Variants in PKM observed in about 807,000 individuals in gnomAD.
PKM encodes pyruvate kinase M1/2.
PKM carries 18 observed loss-of-function variants against 49.8 expected under a neutral mutation model. That is an observed-to-expected ratio of 0.36 (90% CI 0.25 to 0.54). The LOEUF (loss-of-function observed/expected upper bound fraction) is 0.54, where lower values mean the gene tolerates loss of function less well. Among genes scored for constraint, PKM ranks in the 20% least tolerant of loss-of-function variants. The pLI, the probability that PKM is intolerant of heterozygous loss-of-function variation, is 0.89. For synonymous variants in PKM, 239 were observed against 261.8 expected, an observed-to-expected ratio of 0.91 and a Z score of 0.84; for missense variants, 508 against 713.8, an observed-to-expected ratio of 0.71 and a Z score of 3.28.
chr15:72,230,445 C>T (rs1317067770), intron 1 of PKM, among the ~76,000 whole-genome samples: 2 of 152,072 alleles, frequency 1.3e-5, no homozygotes, highest in Admixed American at 1.3e-4. Flanking sequence ...GAGACCGGAG[C>T]AAGTGGGCGG....
intron 1 of PKM, chr15:72,222,357 C>T (rs1288661489): frequency 6.6e-6 from 1 of 152,268 alleles, no homozygotes; most frequent in African/African-American, 2.4e-5. Flanking sequence ...CCTGAAGCCT[C>T]CCTTGCAGGG....
intron 1 of PKM, among the ~76,000 whole-genome samples, chr15:72,227,610 G>A (rs1007930056): frequency 6.6e-6 from 1 of 151,800 alleles, no homozygotes; most frequent in Non-Finnish European, 1.5e-5. Flanking sequence ...GCTGGGCGTG[G>A]TGCAAGTGCC....
intron 4 of PKM, chr15:72,210,068 G>T: frequency 3.2e-6 from 2 of 628,378 alleles, no homozygotes; most frequent in Non-Finnish European, 2.8e-6. Flanking sequence ...ACTTAATGAT[G>T]GGGAAAAAGA....
intron 5 of PKM, among the ~76,000 whole-genome samples, chr15:72,209,165 G>C (rs1356822314): frequency 2.0e-5 from 3 of 151,982 alleles, no homozygotes; most frequent in African/African-American, 7.3e-5. Flanking sequence ...TCAGGAGTTT[G>C]AGACCAGCCT....
intron 3 of PKM, among the ~76,000 whole-genome samples, chr15:72,210,813 C>CT (rs1195254076): frequency 6.6e-6 from 1 of 152,092 alleles, no homozygotes; most frequent in East Asian, 1.9e-4. Context: ...CAGGGCTGTT[C>CT]TTTTTTCCCT....
At chr15:72,222,671 G>C (rs867523250) in intron 1 of PKM, 2 of 152,440 alleles carry the variant, frequency 1.3e-5, no homozygotes, top group Non-Finnish European at 1.5e-5. Context: ...CCAGCCAGCA[G>C]TGGAAGCCTG....
intron 1 of PKM, among the ~76,000 whole-genome samples, chr15:72,226,876 AC>A (rs1446064372): frequency 6.6e-6 from 1 of 152,198 alleles, no homozygotes; most frequent in Non-Finnish European, 1.5e-5. Flanking sequence ...GTTCCCTCCT[AC>A]GTGCAGACAA....
chr15:72,221,473 G>C (rs1356696853), intron 1 of PKM, among the ~76,000 whole-genome samples: 3 of 152,000 alleles, frequency 2.0e-5, no homozygotes, highest in African/African-American at 7.3e-5. Context: ...TTTTGGGAGC[G>C]GGGAAGGGAC....
chr15:72,206,786 A>T lies in PKM; in HGVS notation c.1082T>A (p.Leu361Gln), dbSNP rs1421331541. 1 of 1,614,174 alleles carries T rather than the reference A, an allele frequency of 6.2e-7. No homozygotes were observed. The highest frequency in any genetic ancestry group is 2.2e-5 in the East Asian group (1 of 44,882). ...AVLDGADCIM[L>Q]SGETAKGDYP... ...GTCCCCTTTGGCTGTTTCTCCAGAC[A>T]GCATGATGCAGTCGGCTCCATCCAG... The change falls in exon 8 of 11, where the codon CTG becomes CAG. Residue 361 changes from leucine (L) to glutamine (Q), a missense_variant. By Grantham distance (113) the Leu-to-Gln change is moderately radical. Transcript: ENST00000335181.
At chr15:72,201,830 G>GTGGA (rs2081952280) in intron 9 of PKM, 1 of 160,194 alleles carries the variant, frequency 6.2e-6, no homozygotes, top group African/African-American at 2.4e-5. Context: ...GGGACAAGGA[G>GTGGA]CATACTCCCT....
chr15:72,211,145 A>G (rs866870859), intron 3 of PKM, among the ~76,000 whole-genome samples: 5 of 150,998 alleles, frequency 3.3e-5, no homozygotes, highest in Admixed American at 6.6e-5. Context: ...GGCTCACTGC[A>G]AGCTCCACCT....
intron 1 of PKM, chr15:72,229,811 GAC>G (rs959828906): frequency 3.3e-6 from 2 of 599,572 alleles, no homozygotes; most frequent in Non-Finnish European, 4.4e-6. Context: ...CAGTGAACGC[GAC>G]AGATTTCCTG....
At chr15:72,222,432 A>T (rs2082550848) in intron 1 of PKM, 1 of 152,464 alleles carries the variant, frequency 6.6e-6, no homozygotes, top group Admixed American at 6.5e-5. Context: ...CAAACTGCCC[A>T]TCCCACCAAC....
intron 1 of PKM, among the ~76,000 whole-genome samples, chr15:72,220,603 C>T (rs935649800): frequency 1.1e-4 from 16 of 152,284 alleles, no homozygotes; most frequent in African/African-American, 3.6e-4. Flanking sequence ...CTCTTCATTT[C>T]GATGTGTATT....
At position 72,200,509 on chromosome 15, in the gene PKM, T is replaced by A; in HGVS notation, c.1454A>T (p.Asp485Val). 1 of 1,613,768 alleles carries A rather than the reference T, an allele frequency of 6.2e-7. No homozygotes were observed. The highest frequency in any genetic ancestry group is 8.5e-7 in the Non-Finnish European group (1 of 1,179,864). Reference sequence around the variant, plus strand: ...GGCAAAGTTCACCCGGAGGTCCACGTCCTCAGCCCAGGCCTCCTGGACTGG... The same window carrying A: ...GGCAAAGTTCACCCGGAGGTCCACGACCTCAGCCCAGGCCTCCTGGACTGG... The part of the protein sequence containing the change: ...KDPVQEAWAE[D>V]VDLRVNFAMN... The change falls in exon 10 of 11, where the codon GAC becomes GTC. Residue 485 changes from aspartate (D) to valine (V), a missense_variant. Transcript: ENST00000335181. The surrounding 1 kb of genome is among the most constrained non-coding windows in gnomAD (Gnocchi z 4.6).
chr15:72,220,143 G>A (rs1329216620), intron 1 of PKM, among the ~76,000 whole-genome samples: 3 of 152,186 alleles, frequency 2.0e-5, no homozygotes, highest in Non-Finnish European at 1.5e-5. Flanking sequence ...GAACTATCAG[G>A]TAAGGATGTG....
intron 8 of PKM, chr15:72,203,081 G>A (rs372311452): frequency 7.5e-5 from 121 of 1,614,050 alleles, no homozygotes; most frequent in Non-Finnish European, 8.4e-5. Flanking sequence ...AAGCCTCCAC[G>A]CTGCCCATGG....
At chr15:72,230,275 G>C (rs940009219) in intron 1 of PKM, among the ~76,000 whole-genome samples, 6 of 152,150 alleles carry the variant, frequency 3.9e-5, no homozygotes, top group Non-Finnish European at 5.9e-5. Flanking sequence ...CCAACGTTAC[G>C]TAAGTCTCCA....
chr15:72,230,264 G>GCCAACGTTAGGC (rs2082816520), intron 1 of PKM, among the ~76,000 whole-genome samples: 1 of 152,164 alleles, frequency 6.6e-6, no homozygotes, highest in African/African-American at 2.4e-5. Flanking sequence ...AGCGGGGCAG[G>GCCAACGTTAGGC]CCAACGTTAC....
Sources: gnomAD v4.1 joint callset for allele counts (sites outside exome capture counted in the v4.1 genomes callset) on GRCh38, gnomAD v4.1.1 for gene constraint, Gnocchi (gnomAD v3.1) non-coding constraint, MANE v1.5 for transcripts, NCBI Gene and HGNC (gene_info 2026-07-23, HGNC 2026-07-21) for gene names.